The following FAM163A variants were observed in gnomAD, a reference collection of about 807,000 sequenced individuals.
The protein encoded by FAM163A is family with sequence similarity 163 member A, also known as protein FAM163A.
In FAM163A, 7 loss-of-function variants were observed where a neutral mutation model predicts 12.0. The ratio of observed to expected loss-of-function variants is 0.58; its 90% CI spans 0.33 to 1.10. FAM163A has a LOEUF of 1.10. Ranked by LOEUF, FAM163A falls within the 50% of genes least tolerant of loss-of-function variation. FAM163A has a pLI of 0.03. For missense variants in FAM163A, 202 were observed against 218.6 expected (o/e 0.92, Z 0.48); for synonymous variants, 101 against 91.0 (o/e 1.11, Z -0.62).
chr1:179,768,094 T>C (rs1687752610), intron 1 of FAM163A, among the ~76,000 whole-genome samples: 1 of 152,222 alleles, frequency 6.6e-6, no homozygotes, highest in African/African-American at 2.4e-5. Flanking sequence ...TGGAATCATA[T>C]GGTATTTGTT....
chr1:179,749,774 G>A (rs543709540), intron 1 of FAM163A, among the ~76,000 whole-genome samples: 12 of 152,240 alleles, frequency 7.9e-5, no homozygotes, highest in African/African-American at 2.9e-4. Context: ...CAGGAGAATC[G>A]CTTGAACCTG....
At position 179,814,042 on chromosome 1, in the gene FAM163A, C is replaced by A. The variant is rs763143548; in HGVS notation, c.357C>A (p.Gly119=). 2 of 1,613,388 alleles carry A rather than the reference C, an allele frequency of 1.2e-6. No individual in the cohort carries two copies. The highest frequency in any genetic ancestry group is 3.3e-5 in the Admixed American group (2 of 59,950). ...TADMVPNGGG[G]ERLSFAPTYY... The stretch of plus-strand genomic sequence containing the variant: ...ACATGGTGCCCAATGGGGGTGGAGG[C>A]GAGAGGCTCTCCTTTGCTCCCACAT... Residue 119 remains glycine, a synonymous_variant, in exon 5 of 5, where the codon GGC becomes GGA. Coordinates refer to ENST00000341785, the MANE Select transcript of FAM163A (RefSeq NM_173509.3).
At chr1:179,750,132 A>G (rs1051805660) in intron 1 of FAM163A, among the ~76,000 whole-genome samples, 2 of 152,156 alleles carry the variant, frequency 1.3e-5, no homozygotes, top group Non-Finnish European at 2.9e-5. Context: ...TCAGTAGAGT[A>G]GTGAGGCCAG....
At chr1:179,774,833 A>G (rs1688726216) in intron 1 of FAM163A, among the ~76,000 whole-genome samples, 1 of 152,066 alleles carries the variant, frequency 6.6e-6, no homozygotes, top group Non-Finnish European at 1.5e-5. Flanking sequence ...GGCTGAGTGA[A>G]TCTCTCAAGG....
chr1:179,796,248 A>T (rs1692303227), intron 1 of FAM163A, among the ~76,000 whole-genome samples: 1 of 152,058 alleles, frequency 6.6e-6, no homozygotes, highest in Non-Finnish European at 1.5e-5. Flanking sequence ...TATCTCTGAG[A>T]GTTACTGATA....
chr1:179,814,312 C>T lies in FAM163A; in HGVS notation c.*123C>T, dbSNP rs764299569. The T allele has an allele frequency of 3.2e-5, 41 of 1,292,256 alleles. 1 individual carries two copies. In the South Asian group the frequency reaches 3.2e-4, roughly 10 times the overall value. 80.0% of individuals were successfully genotyped at this position (1,292,256 alleles called of 1,614,324 possible). On this transcript the variant is annotated 3_prime_UTR_variant, in exon 5 of 5. Coordinates refer to ENST00000341785, the MANE Select transcript of FAM163A (RefSeq NM_173509.3). ...TCTGTTTCTTTGGCTTTTCTCGCTC[C>T]GCAGTGGAGGGTTTACTAGGATTTA...
chr1:179,763,313 C>T (rs1280382959), intron 1 of FAM163A, among the ~76,000 whole-genome samples: 1 of 152,214 alleles, frequency 6.6e-6, no homozygotes, highest in Admixed American at 6.5e-5. Flanking sequence ...CAGAGCTTCT[C>T]CTGTATCTGT....
intron 1 of FAM163A, among the ~76,000 whole-genome samples, chr1:179,760,671 C>G (rs1686688165): frequency 6.6e-6 from 1 of 152,302 alleles, no homozygotes; most frequent in South Asian, 2.1e-4. Context: ...CAAATGCAGC[C>G]AGAGGCTCCA....
At chr1:179,750,198 A>G (rs1685072319) in intron 1 of FAM163A, among the ~76,000 whole-genome samples, 1 of 152,230 alleles carries the variant, frequency 6.6e-6, no homozygotes, top group African/African-American at 2.4e-5. Flanking sequence ...GATGTCAGCA[A>G]GTGTTTACTG....
At position 179,768,900 on chromosome 1, in the gene FAM163A, G is replaced by A. The variant is rs556940216; in HGVS notation, c.-136+25477G>A. 6.6e-5 allele frequency among the ~76,000 whole-genome samples: 10 copies of A among 151,954 alleles called. No individual in the cohort carries two copies. In the South Asian group the frequency reaches 1.0e-3, roughly 16 times the overall value. ...ATTACAGGCGTGAGCCACTGCACCCGGCCTGGACACTGGATTTTTAAAGAT... is the reference window on the plus strand; with the variant it reads ...ATTACAGGCGTGAGCCACTGCACCCAGCCTGGACACTGGATTTTTAAAGAT... On this transcript the variant is annotated intron_variant, in intron 1 of 4. Coordinates refer to ENST00000341785, the MANE Select transcript of FAM163A (RefSeq NM_173509.3).
At position 179,803,463 on chromosome 1, in the gene FAM163A, A is replaced by T. The variant is rs532333997; in HGVS notation, c.-135-4335A>T. ...TTCAGATACAGCAGAGACCCCTGGTATCGTGGGGAGTGAGAGACCCATTTC... is the reference window on the plus strand; with the variant it reads ...TTCAGATACAGCAGAGACCCCTGGTTTCGTGGGGAGTGAGAGACCCATTTC... On this transcript the variant is annotated intron_variant, in intron 1 of 4. Coordinates refer to ENST00000341785, the MANE Select transcript of FAM163A (RefSeq NM_173509.3). Among the ~76,000 whole-genome samples the T allele has an allele frequency of 1.2e-4, 18 of 152,354 alleles. No homozygotes were observed. In the South Asian group the frequency reaches 3.7e-3, roughly 32 times the overall value.
chr1:179,810,686 G>A (rs1345870127), intron 2 of FAM163A, among the ~76,000 whole-genome samples: 7 of 152,218 alleles, frequency 4.6e-5, no homozygotes, highest in African/African-American at 7.2e-5. Flanking sequence ...GTGGCTGCGA[G>A]TCTCACACTG....
At chr1:179,761,366 C>T (rs1293072620) in intron 1 of FAM163A, among the ~76,000 whole-genome samples, 2 of 152,186 alleles carry the variant, frequency 1.3e-5, no homozygotes, top group Middle Eastern at 3.2e-3. Flanking sequence ...TTCACAAGAG[C>T]GATTGACCTC....
intron 1 of FAM163A, among the ~76,000 whole-genome samples, chr1:179,774,936 T>C (rs1557927817): frequency 6.6e-6 from 1 of 152,158 alleles, no homozygotes; most frequent in South Asian, 2.1e-4. Context: ...CTGCAAATTG[T>C]CCAGGTTCTT....
chr1:179,798,479 C>T (rs955184000), intron 1 of FAM163A, among the ~76,000 whole-genome samples: 1 of 152,388 alleles, frequency 6.6e-6, no homozygotes, highest in East Asian at 1.9e-4. Flanking sequence ...CACGCGCATA[C>T]TCAGCAGGCC....
intron 1 of FAM163A, among the ~76,000 whole-genome samples, chr1:179,787,788 C>T (rs549420414): frequency 2.6e-5 from 4 of 152,204 alleles, no homozygotes; most frequent in African/African-American, 7.2e-5. Flanking sequence ...ACTGCAGGGC[C>T]GAAGTGAGAG....
chr1:179,774,581 G>C (rs1688693879), intron 1 of FAM163A, among the ~76,000 whole-genome samples: 1 of 152,224 alleles, frequency 6.6e-6, no homozygotes, highest in Admixed American at 6.5e-5. Context: ...GGAGTGCTGA[G>C]GGAGTTGAAG....
chr1:179,736,211 A>G, the FAM163A span, among the ~76,000 whole-genome samples: 1 of 152,218 alleles, frequency 6.6e-6, no homozygotes, highest in African/African-American at 2.4e-5. Flanking sequence ...GCTTCTACAC[A>G]GCGAAGAAAA....
intron 1 of FAM163A, among the ~76,000 whole-genome samples, chr1:179,779,007 G>A (rs1046677815): frequency 6.6e-6 from 1 of 152,158 alleles, no homozygotes; most frequent in Admixed American, 6.5e-5. Flanking sequence ...GAGGCTGGAG[G>A]AGCCTTCAAA....
Sources: allele counts gnomAD v4.1 joint callset (sites outside exome capture counted in the v4.1 genomes callset), GRCh38; gene constraint gnomAD v4.1.1; transcripts MANE v1.5; gene names NCBI Gene and HGNC (gene_info 2026-07-23, HGNC 2026-07-21).